SMOX: variants seen among roughly 807,000 people sequenced by gnomAD.
The protein encoded by SMOX is spermine oxidase.
A neutral mutation model predicts 51.0 loss-of-function variants in SMOX; 22 were observed. The observed-to-expected ratio is 0.43, with a 90% CI of 0.31 to 0.62. The LOEUF (loss-of-function observed/expected upper bound fraction) is 0.62. SMOX is among the 20% of genes least tolerant of loss of function. The pLI, the probability that SMOX is intolerant of heterozygous loss-of-function variation, is 0.10. For synonymous variants in SMOX, 282 were observed against 307.8 expected (o/e 0.92, Z 0.88); for missense variants, 566 against 777.7 (o/e 0.73, Z 3.24).
At chr20:4,155,878 T>C (rs1181891249) in intron 1 of SMOX, among the ~76,000 whole-genome samples, 1 of 151,994 alleles carries the variant, frequency 6.6e-6, no homozygotes. Context: ...GGCAGTGCCA[T>C]GAGGGGCTGG....
chr20:4,164,008 G>T (rs1258153684), intron 1 of SMOX, among the ~76,000 whole-genome samples: 3 of 152,168 alleles, frequency 2.0e-5, no homozygotes, highest in African/African-American at 7.2e-5. Context: ...TTAGAGGCTG[G>T]TGGCCACATA....
At chr20:4,186,608 T>G (rs1297123840) in intron 6 of SMOX, 2 of 660,664 alleles carry the variant, frequency 3.0e-6, no homozygotes, top group Middle Eastern at 3.9e-4. Context: ...TCAAAGGTCC[T>G]GTCCTCTGGG....
chr20:4,184,499 T>TA (rs11471728), intron 6 of SMOX, among the ~76,000 whole-genome samples: 28,583 of 149,256 alleles, frequency 0.19, 2,670 homozygotes, highest in South Asian at 0.21. Context: ...AACTGTACAC[T>TA]AAAAAAAAAA....
rs2122571871 is a variant in SMOX at position 4,181,218 on chromosome 20, A to C, written c.436-585A>C. On this transcript the variant is annotated intron_variant, in intron 3 of 6. Coordinates refer to ENST00000305958, the MANE Select transcript of SMOX (RefSeq NM_175839.3). The surrounding 1 kb of genome is among the most constrained non-coding windows in gnomAD (Gnocchi z 5.6). Reference sequence around the variant, plus strand: ...TGGCTTTTGTGTTCCTGTCTTCCCCACTGCGTCTCAGCTTCCTTACTCGTG... The same window carrying C: ...TGGCTTTTGTGTTCCTGTCTTCCCCCCTGCGTCTCAGCTTCCTTACTCGTG... Among the ~76,000 whole-genome samples the C allele has an allele frequency of 6.6e-6, 1 of 152,128 alleles. No homozygotes were observed. Among genetic ancestry groups the C allele is most frequent in the African/African-American group, 2.4e-5 (1 of 41,482 alleles).
At chr20:4,162,042 C>T (rs1301662117) in intron 1 of SMOX, among the ~76,000 whole-genome samples, 2 of 152,214 alleles carry the variant, frequency 1.3e-5, no homozygotes, top group Non-Finnish European at 2.9e-5. Flanking sequence ...CTGCCCCGCC[C>T]CCTTCCTGGT....
chr20:4,164,506 G>A (rs965359608), intron 1 of SMOX, among the ~76,000 whole-genome samples: 3 of 152,196 alleles, frequency 2.0e-5, no homozygotes, highest in Non-Finnish European at 2.9e-5. Context: ...CAAAGCCAGC[G>A]TCAGACCCCA....
rs780178187 is a variant in SMOX, at chr20:4,175,023, C to T, written c.-26-7C>T. ...CCACTAAGCTGTGACACCTCCTCCC[C>T]CTGCAGGTTCCTAGAAGGTGAGCGC... On this transcript the variant is annotated splice_polypyrimidine_tract_variant and splice_region_variant and intron_variant, in intron 1 of 6. Coordinates refer to ENST00000305958, the MANE Select transcript of SMOX (RefSeq NM_175839.3). 1 of 1,611,322 alleles carries T rather than the reference C, an allele frequency of 6.2e-7. No homozygotes were observed. The highest frequency in any genetic ancestry group is 1.1e-5 in the South Asian group (1 of 90,978).
intron 1 of SMOX, among the ~76,000 whole-genome samples, chr20:4,169,316 C>A (rs1049779693): frequency 6.6e-6 from 1 of 152,092 alleles, no homozygotes; most frequent in Admixed American, 6.6e-5. Flanking sequence ...CCACACCTGG[C>A]CAGATTTTTA....
intron 1 of SMOX, among the ~76,000 whole-genome samples, chr20:4,165,049 GTT>G (rs781522050): frequency 1.1e-5 from 1 of 87,334 alleles, no homozygotes; most frequent in African/African-American, 4.1e-5. Context: ...TAGCTAAGTT[GTT>G]TTTTTTTTTT....
chr20:4,166,167 C>CTATTGTCAGAGTGT lies in SMOX; in HGVS notation c.-26-8863_-26-8862insTATTGTCAGAGTGT, dbSNP rs1986561257. ...GTGTGATCTATTGTCAGAGTGTGATCGAGTTGCTAATTTTTGCTGAAGGTG... is the reference window on the plus strand; with the variant it reads ...GTGTGATCTATTGTCAGAGTGTGATCTATTGTCAGAGTGTGAGTTGCTAATTTTTGCTGAAGGTG... On this transcript the variant is annotated intron_variant, in intron 1 of 6. Coordinates refer to ENST00000305958, the MANE Select transcript of SMOX (RefSeq NM_175839.3). The surrounding 1 kb of genome is among the most constrained non-coding windows in gnomAD (Gnocchi z 4.2). 6.6e-6 allele frequency among the ~76,000 whole-genome samples: 1 copy of CTATTGTCAGAGTGT among 152,016 alleles called. No individual in the cohort carries two copies. The highest frequency in any genetic ancestry group is 1.5e-5 in the Non-Finnish European group (1 of 68,000).
At chr20:4,155,659 G>A (rs1303017589) in intron 1 of SMOX, among the ~76,000 whole-genome samples, 1 of 152,212 alleles carries the variant, frequency 6.6e-6, no homozygotes, top group East Asian at 1.9e-4. Context: ...TGATGGGGTC[G>A]AATTAGCAAT....
chr20:4,151,376 A>G (rs1985753733), intron 1 of SMOX, among the ~76,000 whole-genome samples: 1 of 152,160 alleles, frequency 6.6e-6, no homozygotes, highest in Admixed American at 6.5e-5. Context: ...TGATAGGACC[A>G]TCTCATTTCT....
chr20:4,173,408 CT>C (rs1434239127), intron 1 of SMOX, among the ~76,000 whole-genome samples: 6 of 152,312 alleles, frequency 3.9e-5, no homozygotes, highest in Admixed American at 2.6e-4. Context: ...TGGGTTCTGT[CT>C]ACTGCTGAAG....
At chr20:4,178,357 G>A (rs1979048400) in intron 3 of SMOX, among the ~76,000 whole-genome samples, 1 of 152,160 alleles carries the variant, frequency 6.6e-6, no homozygotes, top group African/African-American at 2.4e-5. Flanking sequence ...ATTTTAAATT[G>A]CTACAGGTGT....
At position 4,172,457 on chromosome 20, in the gene SMOX, G is replaced by A. The variant is rs1421741327; in HGVS notation, c.-26-2573G>A. On this transcript the variant is annotated intron_variant, in intron 1 of 6. Coordinates refer to ENST00000305958, the MANE Select transcript of SMOX (RefSeq NM_175839.3). The surrounding 1 kb of genome is among the most constrained non-coding windows in gnomAD (Gnocchi z 7.7). The stretch of plus-strand genomic sequence containing the variant: ...AGGAAGGAGAACCTGGGGTAGGGTG[G>A]GGGAGGACTGGAGCCAGCCCTGATC... Among the ~76,000 whole-genome samples, 1 of 152,198 alleles carries A rather than the reference G, an allele frequency of 6.6e-6. No individual in the cohort carries two copies. Among genetic ancestry groups the A allele is most frequent in the Non-Finnish European group, 1.5e-5 (1 of 68,026 alleles).
In SMOX at chr20:4,172,289, G is replaced by T. The variant is rs897269975; in HGVS notation, c.-26-2741G>T. 2.0e-5 allele frequency among the ~76,000 whole-genome samples: 3 copies of T among 152,134 alleles called. No individual in the cohort carries two copies. Among genetic ancestry groups the T allele is most frequent in the East Asian group, 3.9e-4 (2 of 5,182 alleles). On this transcript the variant is annotated intron_variant, in intron 1 of 6. Coordinates refer to ENST00000305958, the MANE Select transcript of SMOX (RefSeq NM_175839.3). This position sits in a 1 kb window ranked among gnomAD's most constrained non-coding sequence, Gnocchi z 7.7. Reference sequence around the variant, plus strand: ...TGGCGGCGTCCCCGTCGCAGCTGGCGCGGCCCCTCCGGAGCACGCCGCGTG... The same window carrying T: ...TGGCGGCGTCCCCGTCGCAGCTGGCTCGGCCCCTCCGGAGCACGCCGCGTG...
intron 1 of SMOX, among the ~76,000 whole-genome samples, chr20:4,150,203 T>C (rs1416407452): frequency 6.6e-6 from 1 of 152,204 alleles, no homozygotes; most frequent in Admixed American, 6.5e-5. Context: ...TCCCTCCAGC[T>C]TCGGACCTTC....
At position 4,149,981 on chromosome 20, in the gene SMOX, A is replaced by T. The variant is rs1985652697; in HGVS notation, c.-27+1004A>T. On this transcript the variant is annotated intron_variant, in intron 1 of 6. Coordinates refer to ENST00000305958, the MANE Select transcript of SMOX (RefSeq NM_175839.3). The surrounding 1 kb of genome is among the most constrained non-coding windows in gnomAD (Gnocchi z 6.0). ...CACCACTGCCCCCTGGCCTCTTGTT[A>T]GGCGGAGAGGGCATCCCAATTCCTG... Among the ~76,000 whole-genome samples, 1 of 152,126 alleles carries T rather than the reference A, an allele frequency of 6.6e-6. No individual in the cohort carries two copies. Among genetic ancestry groups the T allele is most frequent in the Non-Finnish European group, 1.5e-5 (1 of 68,014 alleles).
intron 1 of SMOX, among the ~76,000 whole-genome samples, chr20:4,173,627 C>A (rs887290433): frequency 6.6e-6 from 1 of 152,162 alleles, no homozygotes; most frequent in South Asian, 2.1e-4. Flanking sequence ...AACAGTTATG[C>A]GCAGCTTTAT....
Sources: gnomAD v4.1 joint callset for allele counts (sites outside exome capture counted in the v4.1 genomes callset) on GRCh38, gnomAD v4.1.1 for gene constraint, Gnocchi (gnomAD v3.1) non-coding constraint, MANE v1.5 for transcripts, NCBI Gene and HGNC (gene_info 2026-07-23, HGNC 2026-07-21) for gene names.